The following SIDT1 variants were observed in gnomAD, a reference collection of about 807,000 sequenced individuals.
The protein encoded by SIDT1 is SID1 transmembrane family member 1.
SIDT1 carries 101 observed loss-of-function variants against 107.5 expected under a neutral mutation model. The observed-to-expected ratio is 0.94, with a 90% confidence interval of 0.80 to 1.11. SIDT1 has a LOEUF of 1.11. Ranked by LOEUF, SIDT1 falls within the 50% of genes least tolerant of loss-of-function variation. SIDT1 has a pLI of 0.00. For synonymous variants in SIDT1, 395 were observed against 398.2 expected (o/e 0.99, Z 0.10); for missense variants, 1,076 against 1,058.2 (o/e 1.02, Z -0.23).
intron 1 of SIDT1, among the ~76,000 whole-genome samples, chr3:113,566,016 T>G (rs1196941531): frequency 6.6e-6 from 1 of 152,226 alleles, no homozygotes; most frequent in Non-Finnish European, 1.5e-5. Flanking sequence ...TATCCTTCTT[T>G]TTCTGTTCTG....
chr3:113,604,888 C>T, intron 13 of SIDT1, 22 bp from the exon 14 acceptor site: 1 of 1,613,676 alleles, frequency 6.2e-7, no homozygotes, highest in South Asian at 1.1e-5. Context: ...ATAAGCATTT[C>T]TGGTTCTTTC....
At chr3:113,579,936 C>T (rs1427669130) in intron 4 of SIDT1, among the ~76,000 whole-genome samples, 1 of 152,150 alleles carries the variant, frequency 6.6e-6, no homozygotes, top group African/African-American at 2.4e-5. Flanking sequence ...ATAGTACAAC[C>T]TCTTTCAATT....
chr3:113,610,916 G>A (rs1945688251), intron 17 of SIDT1, 92 bp from the exon 18 acceptor site: 1 of 1,443,750 alleles, frequency 6.9e-7, no homozygotes, highest in Non-Finnish European at 9.5e-7. Context: ...TTGAAGTGAG[G>A]GGTACTCAGA....
Position 113,588,104 on chromosome 3 carries a change from T to C in SIDT1, c.1001+2834T>C, listed in dbSNP as rs149954642. Among the ~76,000 whole-genome samples the C allele has an allele frequency of 2.2e-3, 328 of 152,326 alleles. 1 individual carries two copies. Among genetic ancestry groups the C allele is most frequent in the African/African-American group, 7.2e-3 (300 of 41,576 alleles). On this transcript the variant is annotated intron_variant, in intron 9 of 24. Transcript: ENST00000264852. ...TATAGTTAACATACAAACAGACAAG[T>C]TAAGCTAATAGCTGGTTATCAATCG...
intron 20 of SIDT1, among the ~76,000 whole-genome samples, chr3:113,618,669 AC>A (rs1946265930): frequency 6.6e-6 from 1 of 152,198 alleles, no homozygotes; most frequent in African/African-American, 2.4e-5. Context: ...TGGATGGATC[AC>A]CTAAAAGACA....
intron 9 of SIDT1, among the ~76,000 whole-genome samples, chr3:113,591,630 G>C (rs1411672725): frequency 2.0e-5 from 3 of 152,236 alleles, no homozygotes; most frequent in Non-Finnish European, 2.9e-5. Flanking sequence ...GGGAGGCGGA[G>C]CTTGCAGTGA....
At chr3:113,627,522 G>A (rs1577007848) in intron 24 of SIDT1, 124 bp from the exon 25 acceptor site, 8 of 803,180 alleles carry the variant, frequency 1.0e-5, no homozygotes, top group Non-Finnish European at 1.5e-5. Context: ...GCAGAGAGCT[G>A]CAGAAGGCAT....
At chr3:113,635,807 C>A in the SIDT1 span, among the ~76,000 whole-genome samples, 9 of 150,168 alleles carry the variant, frequency 6.0e-5, no homozygotes, top group African/African-American at 2.0e-4. Context: ...ACGGAGGAGG[C>A]AGTGAGCCGA....
At chr3:113,550,046 T>C (rs756003224) in intron 1 of SIDT1, among the ~76,000 whole-genome samples, 2 of 152,214 alleles carry the variant, frequency 1.3e-5, no homozygotes, top group Non-Finnish European at 2.9e-5. Flanking sequence ...TTCACAATTA[T>C]ACTTTGCCTT....
chr3:113,566,340 GT>G, intron 1 of SIDT1, 79 bp from the exon 2 acceptor site: 1 of 243,010 alleles, frequency 4.1e-6, no homozygotes, highest in Non-Finnish European at 6.3e-6. Context: ...GTGTGTGTTT[GT>G]GTGTGTGTGT....
Position 113,533,188 on chromosome 3 carries a change from T to A in SIDT1, c.167T>A (p.Val56Glu). The A allele has an allele frequency of 3.2e-6, 5 of 1,575,044 alleles. No individual in the cohort carries two copies. The highest frequency in any genetic ancestry group is 4.3e-6 in the Non-Finnish European group (5 of 1,161,826). Reference sequence around the variant, plus strand: ...TTCGATCATGTCTACAGCGGGGTGGTGAACCTCAGCACCGAGAACATCTAC... The same window carrying A: ...TTCGATCATGTCTACAGCGGGGTGGAGAACCTCAGCACCGAGAACATCTAC... ...ADFDHVYSGV[V>E]NLSTENIYSF... Residue 56 changes from valine to glutamate, a missense_variant, in exon 1 of 25, where the codon GTG becomes GAG. Coordinates refer to ENST00000264852, the MANE Select transcript of SIDT1 (RefSeq NM_017699.3).
chr3:113,622,095 C>T (rs1176801611), intron 21 of SIDT1, among the ~76,000 whole-genome samples: 5 of 151,834 alleles, frequency 3.3e-5, no homozygotes, highest in East Asian at 1.9e-4. Flanking sequence ...TCAGTGAATC[C>T]GAATGGAGGA....
chr3:113,579,838 C>T (rs1283003860), intron 4 of SIDT1, among the ~76,000 whole-genome samples: 1 of 152,132 alleles, frequency 6.6e-6, no homozygotes, highest in African/African-American at 2.4e-5. Flanking sequence ...AATTATTTGG[C>T]AGAATTCCCC....
At chr3:113,615,467 A>T (rs529274552) in intron 19 of SIDT1, among the ~76,000 whole-genome samples, 3 of 152,336 alleles carry the variant, frequency 2.0e-5, no homozygotes, top group African/African-American at 7.2e-5. Context: ...TGTTCATGTA[A>T]CATTATAACA....
chr3:113,533,180 C>T lies in SIDT1; in HGVS notation c.159C>T (p.Ser53=). 6.3e-7 allele frequency: 1 copy of T among 1,578,408 alleles called. No individual in the cohort carries two copies. Among genetic ancestry groups the T allele is most frequent in the Non-Finnish European group, 8.6e-7 (1 of 1,163,386 alleles). The change falls in exon 1 of 25, where the codon AGC becomes AGT. Residue 53 remains serine (S), a synonymous_variant. Coordinates refer to ENST00000264852, the MANE Select transcript of SIDT1 (RefSeq NM_017699.3). ...GCGCCGATTTCGATCATGTCTACAG[C>T]GGGGTGGTGAACCTCAGCACCGAGA... ...ARGADFDHVY[S]GVVNLSTENI...
intron 10 of SIDT1, among the ~76,000 whole-genome samples, chr3:113,598,553 A>T (rs896848996): frequency 3.9e-5 from 6 of 152,224 alleles, no homozygotes; most frequent in Non-Finnish European, 5.9e-5. Context: ...ATATACAATT[A>T]AAAAATCTTT....
In SIDT1 at chr3:113,604,951, T is replaced by A. The variant is rs3732795; in HGVS notation, c.1379T>A (p.Ile460Asn). ...GCTGTGTTTTACGCGCTGCCCGTGA[T>A]CCAGCTGGTCATTACCTATCAGACA... is the stretch of plus-strand genomic sequence containing the variant. The part of the protein sequence containing the change: ...TIAVFYALPV[I>N]QLVITYQTVV... The change falls in exon 14 of 25, where the codon ATC becomes AAC. Residue 460 changes from isoleucine to asparagine, a missense_variant. Transcript: ENST00000264852. The A allele has an allele frequency of 4.4e-4, 705 of 1,614,034 alleles. 10 individuals are homozygous for A. In the East Asian group the frequency reaches 0.015, roughly 35 times the overall value.
chr3:113,573,728 G>GA (rs771911655), intron 3 of SIDT1, among the ~76,000 whole-genome samples: 3 of 152,126 alleles, frequency 2.0e-5, no homozygotes, highest in Non-Finnish European at 4.4e-5. Context: ...ACCACATGAG[G>GA]ATGCAGTGAG....
intron 3 of SIDT1, among the ~76,000 whole-genome samples, chr3:113,575,199 T>A (rs1178827451): frequency 6.6e-6 from 1 of 152,120 alleles, no homozygotes; most frequent in Non-Finnish European, 1.5e-5. Flanking sequence ...AAAATTAAAA[T>A]CTCTGGCAAA....
Sources: gnomAD v4.1 joint callset for allele counts (sites outside exome capture counted in the v4.1 genomes callset) on GRCh38, gnomAD v4.1.1 for gene constraint, MANE v1.5 for transcripts, NCBI Gene and HGNC (gene_info 2026-07-23, HGNC 2026-07-21) for gene names.